Variants in SPTAN1 observed in about 807,000 individuals in gnomAD.
The protein encoded by SPTAN1 is spectrin alpha, non-erythrocytic 1.
A neutral mutation model predicts 331.3 loss-of-function variants in SPTAN1; 61 were observed. That is an observed-to-expected ratio of 0.18 (90% CI 0.15 to 0.23). The LOEUF is 0.23. SPTAN1 is among the 10% of genes least tolerant of loss of function. The pLI, the probability that SPTAN1 is intolerant of heterozygous loss-of-function variation, is 1.00. For synonymous variants in SPTAN1, 1,153 were observed against 1,173.9 expected (o/e 0.98, Z 0.36); for missense variants, 2,043 against 3,147.9 (o/e 0.65, Z 8.40).
chr9:128,628,229 A>C, intron 51 of SPTAN1: 1 of 588,796 alleles, frequency 1.7e-6, no homozygotes, highest in Non-Finnish European at 3.2e-6. Context: ...CACGAAGGCC[A>C]GAGCTGGAGT....
intron 22 of SPTAN1, among the ~76,000 whole-genome samples, chr9:128,592,521 C>T (rs1032596313): frequency 1.3e-3 from 199 of 152,340 alleles, no homozygotes; most frequent in African/African-American, 4.6e-3. Flanking sequence ...GATCCGCCCG[C>T]CTTGGCCTCC....
chr9:128,613,781 A>C (rs1331217142), intron 40 of SPTAN1, among the ~76,000 whole-genome samples: 1 of 152,156 alleles, frequency 6.6e-6, no homozygotes, highest in Non-Finnish European at 1.5e-5. Context: ...AGACAGGCAG[A>C]TCTCCTGAGG....
Position 128,632,682 on chromosome 9 carries a change from A to AG in SPTAN1, c.7125dup (p.Phe2376ValfsTer31), listed in dbSNP as rs1188882891. ...GTGGAGGAAGGGGAACCTGACCCTG[A>AG]GTTCGAGGCAATCCTGGACACGGTG... On this transcript the variant is annotated frameshift_variant, in exon 55 of 57. Coordinates refer to ENST00000372739, the MANE Select transcript of SPTAN1 (RefSeq NM_001130438.3). LOFTEE classifies it high-confidence loss of function. 6.2e-7 allele frequency: 1 copy of AG among 1,613,982 alleles called. No homozygotes were observed. The highest frequency in any genetic ancestry group is 8.5e-7 in the Non-Finnish European group (1 of 1,180,020).
intron 11 of SPTAN1, 33 bp from the exon 12 acceptor site, chr9:128,581,749 C>T (rs751744467): frequency 6.6e-7 from 1 of 1,522,262 alleles, no homozygotes; most frequent in East Asian, 2.3e-5. Context: ...AGGAATAGGA[C>T]ATTATTCTGA....
At position 128,633,455 on chromosome 9, in the gene SPTAN1, T is replaced by C; in HGVS notation, c.*121T>C. On this transcript the variant is annotated 3_prime_UTR_variant, in exon 57 of 57. Transcript: ENST00000372739. ...AAGCCTGCTTAGCTTGGAATAAGAC[T>C]TAGGAGAAAATGGTGCTTCACTAAC... is the stretch of plus-strand genomic sequence containing the variant. 1 of 1,539,692 alleles carries C rather than the reference T, an allele frequency of 6.5e-7. No individual in the cohort carries two copies. Among genetic ancestry groups the C allele is most frequent in the Admixed American group, 1.7e-5 (1 of 59,420 alleles).
Position 128,579,562 on chromosome 9 carries a change from T to G in SPTAN1, c.1222-75T>G, listed in dbSNP as rs775885056. On this transcript the variant is annotated intron_variant, in intron 9 of 56. Coordinates refer to ENST00000372739, the MANE Select transcript of SPTAN1 (RefSeq NM_001130438.3). ...GTCATAGTCTGGCTTATAATGCTTA[T>G]GTAAAATTCAGCACCTTGTTTTTAT... The G allele has an allele frequency of 4.4e-6, 5 of 1,146,100 alleles. No homozygotes were observed. The Admixed American group carries it at 7.1e-5, about 16-fold the overall frequency. The allele number at this position is 1,146,100 out of a possible 1,614,324, so 71.0% of individuals were successfully genotyped here.
chr9:128,559,735 ATT>A (rs796349434), intron 1 of SPTAN1, among the ~76,000 whole-genome samples: 2 of 145,874 alleles, frequency 1.4e-5, no homozygotes, highest in African/African-American at 2.5e-5. Context: ...AATAATTTTG[ATT>A]TTTTTTTTTT....
intron 24 of SPTAN1, among the ~76,000 whole-genome samples, chr9:128,594,687 C>T (rs1360961538): frequency 1.3e-5 from 2 of 151,776 alleles, no homozygotes; most frequent in African/African-American, 4.8e-5. Flanking sequence ...CCGCCTCAGG[C>T]TCCCAAAGTA....
At chr9:128,597,683 C>G (rs1854493750) in intron 24 of SPTAN1, among the ~76,000 whole-genome samples, 1 of 152,142 alleles carries the variant, frequency 6.6e-6, no homozygotes, top group Admixed American at 6.5e-5. Flanking sequence ...GAGTCTTGCT[C>G]TGTTGCCCAG....
At chr9:128,579,342 AAAG>A in intron 9 of SPTAN1, among the ~76,000 whole-genome samples, 1 of 152,234 alleles carries the variant, frequency 6.6e-6, no homozygotes, top group East Asian at 1.9e-4. Flanking sequence ...CATTTGGCAC[AAAG>A]AAGACAGAGC....
At chr9:128,598,624 G>C (rs1854632950) in intron 25 of SPTAN1, 120 bp downstream of exon 25, 1 of 885,104 alleles carries the variant, frequency 1.1e-6, no homozygotes. Flanking sequence ...CTTGGCTGTA[G>C]GTCAGGTCCT....
intron 26 of SPTAN1, 139 bp from the exon 27 acceptor site, chr9:128,599,941 G>A: frequency 1.1e-6 from 1 of 873,794 alleles, no homozygotes; most frequent in Non-Finnish European, 1.9e-6. Context: ...CCAAACTATG[G>A]AGGGAAAATG....
chr9:128,599,728 C>G (rs1168699791), intron 26 of SPTAN1: 2 of 175,270 alleles, frequency 1.1e-5, no homozygotes, highest in African/African-American at 2.5e-5. Flanking sequence ...CTTCAGTTTT[C>G]TAAAACTTTT....
At chr9:128,599,712 C>A in intron 26 of SPTAN1, 1 of 171,518 alleles carries the variant, frequency 5.8e-6, no homozygotes, top group Non-Finnish European at 1.2e-5. Context: ...AAAAAGTCTT[C>A]TGTCTCTTCA....
intron 36 of SPTAN1, 171 bp from the exon 37 acceptor site, chr9:128,609,480 C>T (rs1856324319): frequency 6.2e-6 from 6 of 975,210 alleles, no homozygotes; most frequent in Non-Finnish European, 9.3e-6. Context: ...CATTTGTCTC[C>T]ATTAAAACTA....
chr9:128,616,330 C>T (rs1857164682), intron 41 of SPTAN1, among the ~76,000 whole-genome samples: 1 of 151,460 alleles, frequency 6.6e-6, no homozygotes, highest in Non-Finnish European at 1.5e-5. Flanking sequence ...GTTGGCCAGG[C>T]TAGTCTCGAG....
rs374135919 is a variant in SPTAN1 at position 128,558,082 on chromosome 9, C to T, written c.-4+5386C>T. ...CCTCCCAAAGTGCTGGGATTACAGG[C>T]GTGAGCCACCGCGCCCAGCTGTATA... On this transcript the variant is annotated intron_variant, in intron 1 of 56. Coordinates refer to ENST00000372739, the MANE Select transcript of SPTAN1 (RefSeq NM_001130438.3). 6.6e-5 allele frequency among the ~76,000 whole-genome samples: 10 copies of T among 152,292 alleles called. No individual in the cohort carries two copies. The East Asian group carries it at 1.4e-3, about 21-fold the overall frequency.
rs1287608748 is a variant in SPTAN1 at position 128,633,233 on chromosome 9, T to C, written c.7333T>C (p.Tyr2445His). The C allele has an allele frequency of 1.9e-6, 3 of 1,613,964 alleles. No homozygotes were observed. Among genetic ancestry groups the C allele is most frequent in the Non-Finnish European group, 2.5e-6 (3 of 1,180,046 alleles). Residue 2445 changes from tyrosine to histidine, a missense_variant, in exon 57 of 57, where the codon TAC (tyrosine) becomes CAC (histidine). Tyr to His is a moderately conservative substitution (Grantham distance 83). Coordinates refer to ENST00000372739, the MANE Select transcript of SPTAN1 (RefSeq NM_001130438.3). ...YQNLTREQADYCVSHMKPYVD... is the reference protein window; with the variant it reads ...YQNLTREQADHCVSHMKPYVD... ...GAACCTGACCCGGGAACAAGCCGAC[T>C]ACTGCGTCTCCCACATGAAGCCCTA... is the stretch of plus-strand genomic sequence containing the variant.
In SPTAN1 at chr9:128,582,769, C is replaced by G; in HGVS notation, c.1726C>G (p.Gln576Glu). Residue 576 changes from glutamine (Q) to glutamate (E), a missense_variant, in exon 14 of 57, where the codon CAG (glutamine) becomes GAG (glutamate). Gln to Glu is a conservative substitution (Grantham distance 29, BLOSUM62 2). Coordinates refer to ENST00000372739, the MANE Select transcript of SPTAN1 (RefSeq NM_001130438.3). Reference protein sequence around the residue: ...RAQLADSFHLQQFFRDSDELK... With the variant: ...RAQLADSFHLEQFFRDSDELK... ...CCAGCTAGCCGATTCTTTCCATCTG[C>G]AGCAGTTTTTCCGTGATTCTGATGA... is the stretch of plus-strand genomic sequence containing the variant. 6.2e-7 allele frequency: 1 copy of G among 1,614,078 alleles called. No homozygotes were observed. The highest frequency in any genetic ancestry group is 8.5e-7 in the Non-Finnish European group (1 of 1,180,036).
Sources: allele counts gnomAD v4.1 joint callset (sites outside exome capture counted in the v4.1 genomes callset), GRCh38; gene constraint gnomAD v4.1.1; transcripts MANE v1.5; gene names NCBI Gene and HGNC (gene_info 2026-07-23, HGNC 2026-07-21).